CLSPN: variants seen among roughly 807,000 people sequenced by gnomAD.
CLSPN encodes claspin homolog.
CLSPN carries 85 observed loss-of-function variants against 156.3 expected under a neutral mutation model. The observed-to-expected ratio is 0.54, with a 90% CI of 0.46 to 0.65. The LOEUF (loss-of-function observed/expected upper bound fraction) is 0.65. Ranked by LOEUF, CLSPN falls within the 30% of genes least tolerant of loss-of-function variation. CLSPN has a pLI of 0.00. For missense variants in CLSPN, 1,407 were observed against 1,554.9 expected (o/e 0.90, Z 1.60); for synonymous variants, 534 against 542.4 (o/e 0.98, Z 0.22).
chr1:35,720,825 C>T (rs770198215), exon 25 of CLSPN: 223 of 1,129,548 alleles, frequency 2.0e-4, no homozygotes, highest in Admixed American at 5.7e-4. Flanking sequence ...GCCATAAAGT[C>T]ATCAATTGTT....
At chr1:35,726,152 CAAAAAAAAAAAA>C (rs3041363) in intron 24 of CLSPN, among the ~76,000 whole-genome samples, 1 of 48,190 alleles carries the variant, frequency 2.1e-5, no homozygotes, top group East Asian at 5.4e-4. Context: ...CAGATGCAGA[CAAAAAAAAAAAA>C]AAAAAAAAAA....
rs1328001869 is a variant in CLSPN at position 35,736,347 on chromosome 1, C to G, written c.*149G>C. 48 of 1,357,390 alleles carry G rather than the reference C, an allele frequency of 3.5e-5. No individual in the cohort carries two copies. The highest frequency in any genetic ancestry group is 4.3e-5 in the Non-Finnish European group (45 of 1,056,078). The allele number at this position is 1,357,390 out of a possible 1,614,324, so 84.1% of individuals were successfully genotyped here. A position where few individuals can be genotyped will look rare whatever the true frequency, so the allele number is the denominator to read the frequency against. ...AGGAAAAGAGATGTCCAGAGCTGTGCAGTAGAAATCACTGGAATTTCTGTC... is the reference window on the plus strand; with the variant it reads ...AGGAAAAGAGATGTCCAGAGCTGTGGAGTAGAAATCACTGGAATTTCTGTC... On this transcript the variant is annotated 3_prime_UTR_variant, in exon 25 of 25. Transcript: ENST00000318121.
chr1:35,753,195 G>T (rs1642151696), intron 9 of CLSPN, among the ~76,000 whole-genome samples: 1 of 152,062 alleles, frequency 6.6e-6, no homozygotes. Flanking sequence ...TGGCTCAAAT[G>T]ATCCTCCTGT....
intron 1 of CLSPN, among the ~76,000 whole-genome samples, chr1:35,767,690 C>G (rs1015961748): frequency 7.9e-5 from 12 of 152,228 alleles, no homozygotes; most frequent in African/African-American, 2.4e-4. Context: ...GGTCCCTCCC[C>G]CAAGATATCT....
In CLSPN at chr1:35,732,439, G is replaced by A; in HGVS notation, c.*4057C>T. The A allele has an allele frequency of 1.0e-6, 1 of 985,384 alleles. No individual in the cohort carries two copies. Among genetic ancestry groups the A allele is most frequent in the East Asian group, 1.1e-4 (1 of 8,826 alleles). The allele number at this position is 985,384 out of a possible 1,614,324, so 61.0% of individuals were successfully genotyped here. Reference sequence around the variant, plus strand: ...TAGAGAAGCAGTTGAGAAAATGAGGGATGCCACAGAGATCTGAGTACCTTG... The same window carrying A: ...TAGAGAAGCAGTTGAGAAAATGAGGAATGCCACAGAGATCTGAGTACCTTG... On this transcript the variant is annotated 3_prime_UTR_variant, in exon 25 of 25. Coordinates refer to ENST00000318121, the MANE Select transcript of CLSPN (RefSeq NM_022111.4).
At chr1:35,748,723 T>C (rs1641979700) in intron 12 of CLSPN, 119 bp from the exon 13 acceptor site, 1 of 760,580 alleles carries the variant, frequency 1.3e-6, no homozygotes, top group Non-Finnish European at 2.2e-6. Flanking sequence ...CCTCAAGTTA[T>C]ATGTTCCAAA....
chr1:35,754,843 C>T (rs144518163), intron 8 of CLSPN, among the ~76,000 whole-genome samples: 6 of 152,154 alleles, frequency 3.9e-5, no homozygotes, highest in South Asian at 2.1e-4. Flanking sequence ...TGTATACAAA[C>T]GGAAATATAT....
intron 1 of CLSPN, among the ~76,000 whole-genome samples, chr1:35,768,185 C>T (rs1388443559): frequency 6.6e-6 from 1 of 151,996 alleles, no homozygotes; most frequent in Non-Finnish European, 1.5e-5. Context: ...CTGGCCAATA[C>T]AGTAAAACCC....
At position 35,762,144 on chromosome 1, in the gene CLSPN, G is replaced by T. The variant is rs552455525; in HGVS notation, c.823-74C>A. On this transcript the variant is annotated intron_variant, in intron 5 of 24. Transcript: ENST00000318121. ...AAAGATAGATATTCATCACTCAAGA[G>T]TTTGCTCTCTCCAAGAAAAGAGGAA... is the stretch of plus-strand genomic sequence containing the variant. The T allele has an allele frequency of 8.9e-5, 104 of 1,163,186 alleles. No homozygotes were observed. The African/African-American group carries it at 1.5e-3, about 16-fold the overall frequency. The allele number at this position is 1,163,186 out of a possible 1,614,324, so 72.1% of individuals were successfully genotyped here.
rs114946854 is a variant in CLSPN, at chr1:35,748,197, C to A, written c.2473-136G>T. On this transcript the variant is annotated intron_variant, in intron 13 of 24. Coordinates refer to ENST00000318121, the MANE Select transcript of CLSPN (RefSeq NM_022111.4). ...TGTAGTTGAGGGGGACAATACACAG[C>A]CATGAGAAGCATAAAGAAAAATACC... 340 of 1,049,592 alleles carry A rather than the reference C, an allele frequency of 3.2e-4. No individual in the cohort carries two copies. In the African/African-American group the frequency reaches 5.0e-3, roughly 15 times the overall value. 65.0% of individuals were successfully genotyped at this position (1,049,592 alleles called of 1,614,324 possible).
rs1641499338 is a variant in CLSPN, at chr1:35,737,049, C to A, written c.3774G>T (p.Gln1258His). ...QQVKTGSLLNQPKAVLQKLAA... is the reference protein window; with the variant it reads ...QQVKTGSLLNHPKAVLQKLAA... ...CCAGTTTCTGAAGCACAGCTTTGGG[C>A]TGGTTTAGCAGTGAGCCTGTCTTCA... The change falls in exon 24 of 25, where the codon CAG becomes CAT. Residue 1258 changes from glutamine to histidine, a missense_variant. Gln to His is a conservative substitution (Grantham distance 24, BLOSUM62 0). This residue lies in a region of CLSPN where 241 missense variants were observed against 240.5 expected (regional missense o/e 1.00). Coordinates refer to ENST00000318121, the MANE Select transcript of CLSPN (RefSeq NM_022111.4). 2 of 1,614,144 alleles carry A rather than the reference C, an allele frequency of 1.2e-6. No homozygotes were observed. The highest frequency in any genetic ancestry group is 1.7e-6 in the Non-Finnish European group (2 of 1,180,012).
chr1:35,731,407 A>G (rs1641314292), downstream of CLSPN, among the ~76,000 whole-genome samples: 1 of 152,168 alleles, frequency 6.6e-6, no homozygotes, highest in African/African-American at 2.4e-5. Context: ...AAGAGTAGAC[A>G]GCAGGTTGGG....
rs753527540 is a variant in CLSPN, at chr1:35,749,630, T to C, written c.2207+3A>G. 142 of 1,613,720 alleles carry C rather than the reference T, an allele frequency of 8.8e-5. No individual in the cohort carries two copies. Among genetic ancestry groups the C allele is most frequent in the Non-Finnish European group, 1.1e-4 (133 of 1,179,876 alleles). The stretch of plus-strand genomic sequence containing the variant: ...TTAAGTTTTCTTAGAGAGAATCACT[T>C]ACCCCATCTTGGAAGAGCTGTCCTT... On this transcript the variant is annotated splice_donor_region_variant and intron_variant, in intron 11 of 24. Coordinates refer to ENST00000318121, the MANE Select transcript of CLSPN (RefSeq NM_022111.4).
downstream of CLSPN, among the ~76,000 whole-genome samples, chr1:35,727,523 A>G (rs979135812): frequency 2.0e-5 from 3 of 152,118 alleles, no homozygotes; most frequent in Admixed American, 6.5e-5. Context: ...CCACACCATA[A>G]CTCATCAAAT....
At chr1:35,764,743 A>C (rs760915553) in intron 2 of CLSPN, 29 bp from the exon 3 acceptor site, 6 of 1,443,158 alleles carry the variant, frequency 4.2e-6, no homozygotes, top group Non-Finnish European at 5.6e-6. Context: ...TTTTAATTAT[A>C]CCATCATTTG....
intron 8 of CLSPN, among the ~76,000 whole-genome samples, chr1:35,755,312 G>C (rs1642235940): frequency 6.6e-6 from 1 of 151,346 alleles, no homozygotes; most frequent in African/African-American, 2.4e-5. Flanking sequence ...TGTTGCCCAG[G>C]CCAAAGTGCA....
rs1571193375 is a variant in CLSPN, at chr1:35,738,112, A to T, written c.3559-15T>A. The stretch of plus-strand genomic sequence containing the variant: ...CCCTGCTGTGCCTGAAAAAAAAAAA[A>T]AATATATATATATATATATATATAT... On this transcript the variant is annotated splice_polypyrimidine_tract_variant and intron_variant, in intron 21 of 24. Coordinates refer to ENST00000318121, the MANE Select transcript of CLSPN (RefSeq NM_022111.4). 1 of 479,476 alleles carries T rather than the reference A, an allele frequency of 2.1e-6. No homozygotes were observed. 29.7% of individuals were successfully genotyped at this position (479,476 alleles called of 1,614,324 possible).
Position 35,769,924 on chromosome 1 carries a change from A to G in CLSPN, c.-54T>C. ...GGACGGAGCTGTCTCTGATTCCCTC[A>G]GCCGGAGAGCAGCGGCTCCCGCCGT... On this transcript the variant is annotated 5_prime_UTR_variant, in exon 1 of 25. Transcript: ENST00000318121. The G allele has an allele frequency of 6.3e-7, 1 of 1,596,758 alleles. No individual in the cohort carries two copies. The highest frequency in any genetic ancestry group is 8.5e-7 in the Non-Finnish European group (1 of 1,170,594).
chr1:35,762,725 C>T (rs1427929981), intron 4 of CLSPN, among the ~76,000 whole-genome samples: 2 of 151,990 alleles, frequency 1.3e-5, no homozygotes, highest in African/African-American at 2.4e-5. Context: ...GATAATAACT[C>T]GCAGGAAGCT....
Sources: gnomAD v4.1 joint callset for allele counts (sites outside exome capture counted in the v4.1 genomes callset) on GRCh38, gnomAD v4.1.1 for gene constraint, gnomAD v4.1.1 regional missense constraint, MANE v1.5 for transcripts, NCBI Gene and HGNC (gene_info 2026-07-23, HGNC 2026-07-21) for gene names.